The following EFR3B variants were observed in gnomAD, a reference collection of about 807,000 sequenced individuals.
The protein encoded by EFR3B is protein EFR3 homolog B.
A neutral mutation model predicts 104.7 loss-of-function variants in EFR3B; 64 were observed. The ratio of observed to expected loss-of-function variants is 0.61; its 90% CI spans 0.50 to 0.75. EFR3B has a LOEUF of 0.75. Ranked by LOEUF, EFR3B falls within the 30% of genes least tolerant of loss-of-function variation. The pLI, the probability that EFR3B is intolerant of heterozygous loss-of-function variation, is 0.00. For synonymous variants in EFR3B, 385 were observed against 417.9 expected (o/e 0.92, Z 0.96); for missense variants, 750 against 1,078.5 (o/e 0.70, Z 4.27).
chr2:25,117,780 A>G (rs1333468030), intron 4 of EFR3B, among the ~76,000 whole-genome samples: 2 of 152,082 alleles, frequency 1.3e-5, no homozygotes, highest in Non-Finnish European at 2.9e-5. Flanking sequence ...CTCTAACAAT[A>G]TCATCCCCTG....
In EFR3B at chr2:25,131,317, C is replaced by G. The variant is rs982462645; in HGVS notation, c.850-51C>G. 2 of 1,538,430 alleles carry G rather than the reference C, an allele frequency of 1.3e-6. No homozygotes were observed. The highest frequency in any genetic ancestry group is 2.0e-5 in the Admixed American group (1 of 50,602). ...GGTGCCAGGAGAGGGCTGCGCAGCC[C>G]AGGGACCCCGTGGGGTTGCTGTCCA... On this transcript the variant is annotated intron_variant, in intron 8 of 22. Transcript: ENST00000403714. This position sits in a 1 kb window ranked among gnomAD's most constrained non-coding sequence, Gnocchi z 7.6.
At chr2:25,051,886 C>T (rs1321488887) in intron 1 of EFR3B, among the ~76,000 whole-genome samples, 1 of 150,136 alleles carries the variant, frequency 6.7e-6, no homozygotes, top group Non-Finnish European at 1.5e-5. Context: ...GTGATCCGCC[C>T]ACCTCGGCCT....
chr2:25,051,337 C>T (rs1372340662), intron 1 of EFR3B, among the ~76,000 whole-genome samples: 1 of 151,962 alleles, frequency 6.6e-6, no homozygotes, highest in Non-Finnish European at 1.5e-5. Context: ...CGGGTCTCGA[C>T]CTCCTGACCT....
chr2:25,103,546 C>T, intron 3 of EFR3B, 91 bp from the exon 4 acceptor site: 1 of 1,474,862 alleles, frequency 6.8e-7, no homozygotes, highest in South Asian at 1.4e-5. Context: ...TGCTGCATTG[C>T]CCAGGTCACC....
chr2:25,077,172 A>C (rs556192749), intron 1 of EFR3B, among the ~76,000 whole-genome samples: 18 of 152,390 alleles, frequency 1.2e-4, no homozygotes, highest in African/African-American at 4.3e-4. Context: ...TTAATTACCA[A>C]AGGCAAATTG....
chr2:25,078,864 C>T (rs552373728), intron 1 of EFR3B, among the ~76,000 whole-genome samples: 3 of 152,118 alleles, frequency 2.0e-5, no homozygotes, highest in South Asian at 2.1e-4. Context: ...AGGTCTGTGG[C>T]GCTGACTCTC....
intron 1 of EFR3B, among the ~76,000 whole-genome samples, chr2:25,061,087 C>T (rs1668180286): frequency 6.6e-6 from 1 of 151,672 alleles, no homozygotes; most frequent in Non-Finnish European, 1.5e-5. Context: ...ATGTTGGCTC[C>T]AACTCAGCCA....
intron 1 of EFR3B, among the ~76,000 whole-genome samples, chr2:25,076,854 C>T (rs1244364214): frequency 6.6e-6 from 1 of 152,164 alleles, no homozygotes; most frequent in Admixed American, 6.5e-5. Context: ...AAAGGTCAGG[C>T]CACTGACAGC....
chr2:25,130,208 A>G lies in EFR3B; in HGVS notation c.770+99A>G, dbSNP rs1670291016. On this transcript the variant is annotated intron_variant, in intron 7 of 22. Transcript: ENST00000403714. This position sits in a 1 kb window ranked among gnomAD's most constrained non-coding sequence, Gnocchi z 4.6. ...CTGGCTGGGGGGAAGGGGATATTAC[A>G]GTTGTGGTGCCGCAGCCGAGTCGAT... 1 of 1,501,050 alleles carries G rather than the reference A, an allele frequency of 6.7e-7. No individual in the cohort carries two copies. Among genetic ancestry groups the G allele is most frequent in the Non-Finnish European group, 9.0e-7 (1 of 1,112,132 alleles). The allele number at this position is 1,501,050 out of a possible 1,614,324, so 93.0% of individuals were successfully genotyped here. A position where few individuals can be genotyped will look rare whatever the true frequency, so the allele number is the denominator to read the frequency against.
chr2:25,084,991 G>T (rs1265683978), intron 1 of EFR3B, among the ~76,000 whole-genome samples: 1 of 152,170 alleles, frequency 6.6e-6, no homozygotes. Context: ...ACAGGTTGTT[G>T]TAAGGATTAC....
chr2:25,154,388 T>C lies in EFR3B; in HGVS notation c.*48T>C. The C allele has an allele frequency of 6.7e-7, 1 of 1,489,910 alleles. No individual in the cohort carries two copies. The highest frequency in any genetic ancestry group is 9.2e-7 in the Non-Finnish European group (1 of 1,091,424). The allele number at this position is 1,489,910 out of a possible 1,614,324, so 92.3% of individuals were successfully genotyped here. The stretch of plus-strand genomic sequence containing the variant: ...AAGGAGATGGGGTCTGAGGAGGGGC[T>C]CACCTCACGCCCACCCCGACCACAT... On this transcript the variant is annotated 3_prime_UTR_variant, in exon 23 of 23. Coordinates refer to ENST00000403714, the MANE Select transcript of EFR3B (RefSeq NM_014971.2). This position sits in a 1 kb window ranked among gnomAD's most constrained non-coding sequence, Gnocchi z 4.1.
chr2:25,069,981 G>A (rs560360777), intron 1 of EFR3B, among the ~76,000 whole-genome samples: 1 of 152,196 alleles, frequency 6.6e-6, no homozygotes, highest in East Asian at 1.9e-4. Context: ...ACAGGCCTGA[G>A]CCCCCACACC....
At position 25,098,610 on chromosome 2, in the gene EFR3B, A is replaced by G. The variant is rs74789769; in HGVS notation, c.213-5027A>G. ...GAGAGCATTAGACTCGGGGCTTCCA[A>G]GGTCCCATTGACTTCGAATTATGTA... On this transcript the variant is annotated intron_variant, in intron 3 of 22. Transcript: ENST00000403714. Among the ~76,000 whole-genome samples, 3,563 of 152,310 alleles carry G rather than the reference A, an allele frequency of 0.023. 252 individuals are homozygous for G. In the East Asian group the frequency reaches 0.27, roughly 12 times the overall value.
At chr2:25,083,535 C>T (rs1668868780) in intron 1 of EFR3B, among the ~76,000 whole-genome samples, 2 of 151,878 alleles carry the variant, frequency 1.3e-5, no homozygotes, top group Admixed American at 6.6e-5. Context: ...TAGAATTCAC[C>T]ATTGTTGGGC....
intron 4 of EFR3B, among the ~76,000 whole-genome samples, chr2:25,116,688 A>G (rs917247068): frequency 6.6e-6 from 1 of 151,726 alleles, no homozygotes; most frequent in African/African-American, 2.4e-5. Flanking sequence ...AGTACAGAAG[A>G]ACACACATCC....
chr2:25,123,351 C>T (rs960258665), intron 5 of EFR3B, among the ~76,000 whole-genome samples: 1 of 147,524 alleles, frequency 6.8e-6, no homozygotes, highest in African/African-American at 2.5e-5. Context: ...CGGAGTGAGA[C>T]CCTGTCTCAA....
rs1170505822 is a variant in EFR3B, at chr2:25,128,960, C to CAAAAAAAAA, written c.635+661_635+669dup. Among the ~76,000 whole-genome samples the CAAAAAAAAA allele has an allele frequency of 4.9e-4, 13 of 26,688 alleles. 1 individual carries two copies. The highest frequency in any genetic ancestry group is 9.5e-4 in the East Asian group (1 of 1,052). The allele number at this position is 26,688 out of a possible 152,430, so 17.5% of individuals were successfully genotyped here. ...TGGGCGACGGAGCGAGACTCCGTCTCAAAAAAAAAAAAAAAAAAAAAAAAA... is the reference window on the plus strand; with the variant it reads ...TGGGCGACGGAGCGAGACTCCGTCTCAAAAAAAAAAAAAAAAAAAAAAAAAAAAAAAAAA... On this transcript the variant is annotated intron_variant, in intron 6 of 22. Coordinates refer to ENST00000403714, the MANE Select transcript of EFR3B (RefSeq NM_014971.2).
At chr2:25,118,331 T>G (rs1033766463) in intron 4 of EFR3B, among the ~76,000 whole-genome samples, 1 of 152,226 alleles carries the variant, frequency 6.6e-6, no homozygotes, top group African/African-American at 2.4e-5. Flanking sequence ...GCAGTGTTTG[T>G]CTTTCTGCGT....
chr2:25,149,789 G>A (rs1171408418), intron 20 of EFR3B, 47 bp downstream of exon 20: 3 of 1,524,494 alleles, frequency 2.0e-6, no homozygotes, highest in Non-Finnish European at 2.7e-6. Flanking sequence ...AATGGGGTGG[G>A]GTCCTTGGGC....
Sources: allele counts gnomAD v4.1 joint callset (sites outside exome capture counted in the v4.1 genomes callset), GRCh38; gene constraint gnomAD v4.1.1; non-coding constraint Gnocchi (gnomAD v3.1); transcripts MANE v1.5; gene names NCBI Gene and HGNC (gene_info 2026-07-23, HGNC 2026-07-21).